Variants in KLHL1 observed in about 807,000 individuals in gnomAD.
KLHL1 encodes the protein kelch like family member 1.
In KLHL1, 47 loss-of-function variants were observed where a neutral mutation model predicts 77.7. The ratio of observed to expected loss-of-function variants is 0.60; its 90% CI spans 0.48 to 0.77. The LOEUF is 0.77. Among genes scored for constraint, KLHL1 ranks in the 30% least tolerant of loss-of-function variants. The pLI, the probability that KLHL1 is intolerant of heterozygous loss-of-function variation, is 0.00. For missense variants in KLHL1, 925 were observed against 910.8 expected (o/e 1.02, Z -0.20); for synonymous variants, 360 against 325.2 (o/e 1.11, Z -1.15).
At chr13:69,947,446 C>T (rs1018619041) in intron 3 of KLHL1, among the ~76,000 whole-genome samples, 17 of 151,762 alleles carry the variant, frequency 1.1e-4, no homozygotes, top group African/African-American at 3.4e-4. Context: ...AGGGTTTTTA[C>T]GACATTTTCT....
At chr13:69,855,327 GAT>G (rs1879850601) in intron 5 of KLHL1, among the ~76,000 whole-genome samples, 2 of 127,160 alleles carry the variant, frequency 1.6e-5, no homozygotes, top group African/African-American at 3.3e-5. Context: ...TAGATAGATA[GAT>G]AGATAGATAG....
chr13:69,975,539 A>T, intron 2 of KLHL1, 81 bp downstream of exon 2: 1 of 1,184,312 alleles, frequency 8.4e-7, no homozygotes, highest in Non-Finnish European at 1.2e-6. Context: ...CTGTAGTCAT[A>T]TAATATTCTG....
chr13:69,721,573 C>G (rs923783181), intron 8 of KLHL1, among the ~76,000 whole-genome samples: 1 of 151,940 alleles, frequency 6.6e-6, no homozygotes, highest in East Asian at 1.9e-4. Flanking sequence ...TATTCAATTT[C>G]TAAATAAATG....
At chr13:69,856,192 T>C (rs899104139) in intron 5 of KLHL1, among the ~76,000 whole-genome samples, 4 of 151,834 alleles carry the variant, frequency 2.6e-5, no homozygotes, top group African/African-American at 7.3e-5. Flanking sequence ...TATTGTTCAG[T>C]TGAAAAATAA....
chr13:69,733,575 A>G (rs1873641802), intron 8 of KLHL1, among the ~76,000 whole-genome samples: 1 of 152,230 alleles, frequency 6.6e-6, no homozygotes, highest in African/African-American at 2.4e-5. Flanking sequence ...ACTTCAACAG[A>G]AGATATACAA....
intron 4 of KLHL1, among the ~76,000 whole-genome samples, chr13:69,924,937 G>C (rs1044307064): frequency 5.3e-5 from 8 of 152,188 alleles, no homozygotes; most frequent in African/African-American, 1.9e-4. Flanking sequence ...AAATAGAGCT[G>C]CTCACCCTCC....
intron 8 of KLHL1, among the ~76,000 whole-genome samples, chr13:69,726,597 G>A (rs1224865597): frequency 6.6e-6 from 1 of 152,086 alleles, no homozygotes; most frequent in African/African-American, 2.4e-5. Context: ...AGGTTCTGAA[G>A]CCTGATAGGG....
At chr13:69,974,800 A>G (rs1215754052) in intron 2 of KLHL1, among the ~76,000 whole-genome samples, 3 of 152,098 alleles carry the variant, frequency 2.0e-5, no homozygotes, top group Non-Finnish European at 4.4e-5. Flanking sequence ...TTTGCCACAC[A>G]TATTATGACA....
rs566304464 is a variant in KLHL1 at position 70,029,362 on chromosome 13, C to G, written c.498-53560G>C. 1.5e-3 allele frequency among the ~76,000 whole-genome samples: 228 copies of G among 152,304 alleles called. 1 individual carries two copies. Among genetic ancestry groups the G allele is most frequent in the African/African-American group, 4.9e-3 (203 of 41,574 alleles). ...TTGCTAAGCAAACGTTGATTCTCCA[C>G]TTTACACTCCAACTTGATGAAGGTG... is the stretch of plus-strand genomic sequence containing the variant. On this transcript the variant is annotated intron_variant, in intron 1 of 10. Transcript: ENST00000377844.
At chr13:69,993,269 C>T (rs935509150) in intron 1 of KLHL1, among the ~76,000 whole-genome samples, 2 of 152,052 alleles carry the variant, frequency 1.3e-5, no homozygotes, top group South Asian at 2.1e-4. Context: ...AGAACCACCA[C>T]GCTTGTAAAC....
chr13:69,885,826 G>A (rs1163217378), intron 4 of KLHL1, among the ~76,000 whole-genome samples: 1 of 152,172 alleles, frequency 6.6e-6, no homozygotes, highest in African/African-American at 2.4e-5. Context: ...CGTAGAAAAA[G>A]TGCAATTATC....
intron 4 of KLHL1, chr13:69,895,047 T>C (rs958323714): frequency 8.0e-6 from 4 of 499,632 alleles, no homozygotes; most frequent in Admixed American, 2.2e-5. Context: ...TTCCTACTGA[T>C]GTCAGAGTCT....
At chr13:69,884,570 T>C (rs907488238) in intron 4 of KLHL1, among the ~76,000 whole-genome samples, 1 of 152,020 alleles carries the variant, frequency 6.6e-6, no homozygotes, top group Non-Finnish European at 1.5e-5. Context: ...GCCATCAAAA[T>C]ATAGTGAGGG....
chr13:69,936,251 G>C (rs1883185680), intron 4 of KLHL1, among the ~76,000 whole-genome samples: 1 of 152,078 alleles, frequency 6.6e-6, no homozygotes, highest in African/African-American at 2.4e-5. Flanking sequence ...GAGGAAAAAT[G>C]CCTGGGTAGC....
intron 4 of KLHL1, among the ~76,000 whole-genome samples, chr13:69,935,002 ATAT>A (rs1266849116): frequency 6.9e-6 from 1 of 145,470 alleles, no homozygotes; most frequent in Non-Finnish European, 1.5e-5. Flanking sequence ...ATATATATAC[ATAT>A]TATCATTATA....
chr13:69,776,557 C>G (rs1875837742), intron 7 of KLHL1, among the ~76,000 whole-genome samples: 1 of 152,128 alleles, frequency 6.6e-6, no homozygotes, highest in Non-Finnish European at 1.5e-5. Flanking sequence ...CTTTAGCATT[C>G]CATTACCACA....
intron 1 of KLHL1, among the ~76,000 whole-genome samples, chr13:69,987,763 A>G (rs1884912904): frequency 6.6e-6 from 1 of 152,096 alleles, no homozygotes; most frequent in Non-Finnish European, 1.5e-5. Context: ...AAAAATAGAA[A>G]CATATAAATA....
intron 6 of KLHL1, among the ~76,000 whole-genome samples, chr13:69,821,370 A>G (rs1011149927): frequency 6.6e-5 from 10 of 151,916 alleles, no homozygotes; most frequent in Admixed American, 3.9e-4. Context: ...GCTGGAGTGC[A>G]GTGGCCTGAT....
chr13:70,091,980 A>C (rs963323611), intron 1 of KLHL1, among the ~76,000 whole-genome samples: 5 of 152,138 alleles, frequency 3.3e-5, no homozygotes, highest in Admixed American at 2.6e-4. Flanking sequence ...ACATCTACCC[A>C]TATATTTCTG....
Sources: allele counts gnomAD v4.1 joint callset (sites outside exome capture counted in the v4.1 genomes callset), GRCh38; gene constraint gnomAD v4.1.1; transcripts MANE v1.5; gene names NCBI Gene and HGNC (gene_info 2026-07-23, HGNC 2026-07-21).